Variants in RERE observed in about 807,000 individuals in gnomAD.
RERE encodes the protein arginine-glutamic acid dipeptide repeats.
In RERE, 40 loss-of-function variants were observed where a neutral mutation model predicts 146.1. The observed-to-expected ratio is 0.27, with a 90% CI of 0.21 to 0.36. The LOEUF (loss-of-function observed/expected upper bound fraction) is 0.36. Ranked by LOEUF, RERE falls within the 10% of genes least tolerant of loss-of-function variation. The probability of loss-of-function intolerance (pLI) is 1.00; values close to 1 mark genes in which losing one functional copy is unlikely to be tolerated. For missense variants in RERE, 1,933 were observed against 2,138.7 expected, an observed-to-expected ratio of 0.90 and a Z score of 1.90; for synonymous variants, 1,003 against 866.0, an observed-to-expected ratio of 1.16 and a Z score of -2.78.
At chr1:8,400,773 G>C (rs1643220418) in intron 12 of RERE, among the ~76,000 whole-genome samples, 1 of 142,872 alleles carries the variant, frequency 7.0e-6, no homozygotes, top group African/African-American at 2.6e-5. Flanking sequence ...GGAGGCTGAG[G>C]CAAGAGGATC....
chr1:8,585,546 A>T (rs1435429515), intron 4 of RERE, among the ~76,000 whole-genome samples: 1 of 152,214 alleles, frequency 6.6e-6, no homozygotes, highest in Non-Finnish European at 1.5e-5. Flanking sequence ...GTACAAGATG[A>T]GGATGGAACA....
At position 8,360,006 on chromosome 1, in the gene RERE, T is replaced by C. The variant is rs958649488; in HGVS notation, c.3396-20A>G. ...TAGAACCTGAGAAAAGCCACAGATC[T>C]TGCTGGGAGCTCCTGCCGAGACCCA... On this transcript the variant is annotated intron_variant, in intron 18 of 22. Transcript: ENST00000400908. The C allele has an allele frequency of 4.3e-6, 7 of 1,610,556 alleles. No homozygotes were observed. Among genetic ancestry groups the C allele is most frequent in the Non-Finnish European group, 5.9e-6 (7 of 1,178,474 alleles).
intron 4 of RERE, among the ~76,000 whole-genome samples, chr1:8,602,175 G>T (rs1000248903): frequency 6.6e-6 from 1 of 152,202 alleles, no homozygotes; most frequent in Admixed American, 6.5e-5. Context: ...TGGATTACAA[G>T]GTCAAGCGAT....
chr1:8,557,557 G>T, intron 4 of RERE, 34 bp from the exon 5 acceptor site: 1 of 1,432,122 alleles, frequency 7.0e-7, no homozygotes, highest in South Asian at 1.1e-5. Context: ...TTAGGAACAG[G>T]ATTTCAGGTG....
intron 10 of RERE, among the ~76,000 whole-genome samples, chr1:8,467,683 T>TG (rs1644618980): frequency 6.6e-6 from 1 of 152,178 alleles, no homozygotes; most frequent in Non-Finnish European, 1.5e-5. Flanking sequence ...CTTGCTCTGT[T>TG]GCCCAGGCTG....
chr1:8,582,190 T>C (rs1182854206), intron 4 of RERE, among the ~76,000 whole-genome samples: 1 of 152,112 alleles, frequency 6.6e-6, no homozygotes, highest in East Asian at 1.9e-4. Flanking sequence ...CAAAAGTTAA[T>C]ATATTTTAAG....
intron 11 of RERE, among the ~76,000 whole-genome samples, chr1:8,457,681 C>T (rs561315919): frequency 1.3e-5 from 2 of 152,250 alleles, no homozygotes; most frequent in Admixed American, 1.3e-4. Context: ...TGGCTCAATG[C>T]ATCCTCTGCT....
At chr1:8,728,501 G>A (rs764871753) in intron 1 of RERE, among the ~76,000 whole-genome samples, 8 of 150,762 alleles carry the variant, frequency 5.3e-5, no homozygotes, top group South Asian at 2.1e-4. Flanking sequence ...TGTTTAGAGC[G>A]AAAAAGTCTA....
intron 1 of RERE, among the ~76,000 whole-genome samples, chr1:8,716,909 T>C (rs547239452): frequency 1.3e-5 from 2 of 152,302 alleles, no homozygotes; most frequent in South Asian, 4.1e-4. Flanking sequence ...GGGCAGGCTG[T>C]ACTACATTTT....
In RERE at chr1:8,422,011, G is replaced by A. The variant is rs190007474; in HGVS notation, c.1284+716C>T. 3.1e-4 allele frequency among the ~76,000 whole-genome samples: 47 copies of A among 152,242 alleles called. 1 individual carries two copies. Among genetic ancestry groups the A allele is most frequent in the Admixed American group, 3.1e-3 (47 of 15,290 alleles). On this transcript the variant is annotated intron_variant, in intron 12 of 22. Transcript: ENST00000400908. Reference sequence around the variant, plus strand: ...ACCAGGGAAGGAGATGAGGAGGGAGGCAACCACAGGGAAATGAGAATGAAT... The same window carrying A: ...ACCAGGGAAGGAGATGAGGAGGGAGACAACCACAGGGAAATGAGAATGAAT...
intron 12 of RERE, among the ~76,000 whole-genome samples, chr1:8,405,905 G>T (rs1448621165): frequency 6.6e-6 from 1 of 152,112 alleles, no homozygotes; most frequent in Admixed American, 6.5e-5. Context: ...AAAGTGCTGG[G>T]ATTACAGGTG....
intron 1 of RERE, among the ~76,000 whole-genome samples, chr1:8,688,309 T>C (rs1639134855): frequency 6.6e-6 from 1 of 152,116 alleles, no homozygotes; most frequent in African/African-American, 2.4e-5. Context: ...CTCATGCCTG[T>C]AATCCCAACA....
At chr1:8,795,781 G>A (rs544653362) in intron 1 of RERE, among the ~76,000 whole-genome samples, 4 of 152,168 alleles carry the variant, frequency 2.6e-5, no homozygotes, top group East Asian at 3.9e-4. Context: ...TCAGGAGTTC[G>A]AGACCAGCCT....
At chr1:8,764,286 G>T (rs566646343) in intron 1 of RERE, among the ~76,000 whole-genome samples, 44 of 152,274 alleles carry the variant, frequency 2.9e-4, no homozygotes, top group African/African-American at 1.1e-3. Flanking sequence ...ACTGCAATGT[G>T]TCGCTCTCTA....
chr1:8,550,677 C>T (rs567731605), intron 6 of RERE, among the ~76,000 whole-genome samples: 1 of 152,058 alleles, frequency 6.6e-6, no homozygotes, highest in South Asian at 2.1e-4. Flanking sequence ...CTCCCTAGTA[C>T]CTGGGACTAC....
At chr1:8,805,007 GGTTTTTT>G (rs1641660514) in intron 1 of RERE, among the ~76,000 whole-genome samples, 1 of 61,354 alleles carries the variant, frequency 1.6e-5, no homozygotes, top group Non-Finnish European at 3.1e-5. Context: ...TTTTGTTTTT[GGTTTTTT>G]TTTTTTTTTT....
At chr1:8,808,337 T>G (rs959458293) in intron 1 of RERE, among the ~76,000 whole-genome samples, 2 of 152,162 alleles carry the variant, frequency 1.3e-5, no homozygotes, top group Admixed American at 1.3e-4. Context: ...AAAGAGAATC[T>G]ATTCAAACCA....
chr1:8,377,916 A>G (rs527712254), intron 12 of RERE, among the ~76,000 whole-genome samples: 1 of 152,290 alleles, frequency 6.6e-6, no homozygotes, highest in East Asian at 1.9e-4. Flanking sequence ...CAGAAAAGAT[A>G]GTTAGGAGAA....
At chr1:8,572,774 G>A (rs2124453852) in intron 4 of RERE, among the ~76,000 whole-genome samples, 1 of 152,222 alleles carries the variant, frequency 6.6e-6, no homozygotes, top group South Asian at 2.1e-4. Context: ...CCTCTAAAAT[G>A]TCCAATAACG....
Sources: gnomAD v4.1 joint callset for allele counts (sites outside exome capture counted in the v4.1 genomes callset) on GRCh38, gnomAD v4.1.1 for gene constraint, MANE v1.5 for transcripts, NCBI Gene and HGNC (gene_info 2026-07-23, HGNC 2026-07-21) for gene names.